Variants in VMP1 observed in about 807,000 individuals in gnomAD.
VMP1 encodes ectopic P-granules autophagy protein 3 homolog.
VMP1 carries 11 observed loss-of-function variants against 56.0 expected under a neutral mutation model. The ratio of observed to expected loss-of-function variants is 0.20; its 90% CI spans 0.12 to 0.32. The LOEUF (loss-of-function observed/expected upper bound fraction) is 0.32. Among genes scored for constraint, VMP1 ranks in the 10% least tolerant of loss-of-function variants. VMP1 has a pLI of 1.00. For missense variants in VMP1, 296 were observed against 490.3 expected (o/e 0.60, Z 3.74); for synonymous variants, 149 against 165.0 (o/e 0.90, Z 0.74).
intron 1 of VMP1, among the ~76,000 whole-genome samples, chr17:59,727,509 CTGTTA>C (rs1368852316): frequency 6.6e-6 from 1 of 152,152 alleles, no homozygotes; most frequent in African/African-American, 2.4e-5. Context: ...TCATCCCATT[CTGTTA>C]TAATTGATTT....
At chr17:59,763,332 G>A (rs2036124476) in intron 5 of VMP1, among the ~76,000 whole-genome samples, 1 of 151,908 alleles carries the variant, frequency 6.6e-6, no homozygotes, top group Admixed American at 6.6e-5. Flanking sequence ...AATGATTGTA[G>A]ATTTCATGGT....
intron 1 of VMP1, among the ~76,000 whole-genome samples, chr17:59,730,549 G>A (rs1365344147): frequency 2.6e-5 from 4 of 152,226 alleles, no homozygotes; most frequent in Non-Finnish European, 5.9e-5. Context: ...ATAGGCATGA[G>A]CCACTGCACC....
At chr17:59,721,103 T>C (rs1311273629) in intron 1 of VMP1, among the ~76,000 whole-genome samples, 3 of 152,284 alleles carry the variant, frequency 2.0e-5, no homozygotes, top group African/African-American at 7.2e-5. Context: ...CCCAGCACTT[T>C]GGGAGGCCAA....
At chr17:59,720,833 T>G (rs2034363366) in intron 1 of VMP1, among the ~76,000 whole-genome samples, 1 of 151,508 alleles carries the variant, frequency 6.6e-6, no homozygotes, top group Non-Finnish European at 1.5e-5. Context: ...ATTAGCCAGG[T>G]GTGATGGCAG....
At chr17:59,791,184 C>CTTTTTT (rs200633751) in intron 7 of VMP1, among the ~76,000 whole-genome samples, 1 of 133,662 alleles carries the variant, frequency 7.5e-6, no homozygotes, top group Non-Finnish European at 1.5e-5. Context: ...TCCCAGTTCC[C>CTTTTTT]TTTTTTTTTT....
intron 5 of VMP1, among the ~76,000 whole-genome samples, chr17:59,750,926 CTTTTTTTTTTTT>C (rs35948198): frequency 4.4e-5 from 4 of 91,008 alleles, no homozygotes; most frequent in South Asian, 4.8e-4. Flanking sequence ...AAGATAGCAC[CTTTTTTTTTTTT>C]TTTTTTTTTT....
At chr17:59,773,485 T>C (rs1315565950) in intron 6 of VMP1, among the ~76,000 whole-genome samples, 6 of 151,970 alleles carry the variant, frequency 3.9e-5, no homozygotes, top group Non-Finnish European at 8.8e-5. Flanking sequence ...TCTTCCTGCC[T>C]CAGCATCCTG....
chr17:59,713,262 A>G (rs2033999914), intron 1 of VMP1, among the ~76,000 whole-genome samples: 1 of 150,818 alleles, frequency 6.6e-6, no homozygotes, highest in African/African-American at 2.4e-5. Context: ...GGGTTGGGGG[A>G]AGGAGGGAGG....
At chr17:59,772,713 G>A (rs1200629258) in intron 6 of VMP1, among the ~76,000 whole-genome samples, 1 of 151,672 alleles carries the variant, frequency 6.6e-6, no homozygotes. Flanking sequence ...AGGTTGTGGT[G>A]AGCCGAGATC....
rs1014429819 is a variant in VMP1, at chr17:59,825,159, C to T, written c.974+7386C>T. The stretch of plus-strand genomic sequence containing the variant: ...TGGAGCGCTGTGGTGCAATCTCGAC[C>T]CACTGCAACCTCTGCCTCCTGTGTT... On this transcript the variant is annotated intron_variant, in intron 10 of 11. Transcript: ENST00000262291. Among the ~76,000 whole-genome samples, 3 of 148,530 alleles carry T rather than the reference C, an allele frequency of 2.0e-5. No individual in the cohort carries two copies. In the East Asian group the frequency reaches 6.0e-4, roughly 30 times the overall value.
chr17:59,726,291 G>GTTTTTTTTTTTTTTTTTTTTTTTTTTT (rs541555827), intron 1 of VMP1, among the ~76,000 whole-genome samples: 1 of 145,058 alleles, frequency 6.9e-6, no homozygotes, highest in African/African-American at 2.6e-5. Context: ...AGTTTTTTTT[G>GTTTTTTTTTTTTTTTTTTTTTTTTTTT]TTTTTTTTTT....
chr17:59,716,260 C>A (rs749454398), intron 1 of VMP1, among the ~76,000 whole-genome samples: 37 of 152,066 alleles, frequency 2.4e-4, no homozygotes, highest in Non-Finnish European at 4.9e-4. Context: ...TATTTTCACC[C>A]CAGTTATACA....
At chr17:59,726,178 T>C (rs1159176311) in intron 1 of VMP1, among the ~76,000 whole-genome samples, 2 of 152,158 alleles carry the variant, frequency 1.3e-5, no homozygotes, top group Admixed American at 6.5e-5. Flanking sequence ...ATCTTATTTG[T>C]AAATATTTAT....
chr17:59,810,423 G>A (rs1318327123), intron 8 of VMP1, among the ~76,000 whole-genome samples: 1 of 151,962 alleles, frequency 6.6e-6, no homozygotes, highest in African/African-American at 2.4e-5. Context: ...CAAAGTGCTG[G>A]GATTATAGGC....
chr17:59,783,138 G>A (rs2036886262), intron 7 of VMP1, among the ~76,000 whole-genome samples: 1 of 152,212 alleles, frequency 6.6e-6, no homozygotes, highest in African/African-American at 2.4e-5. Flanking sequence ...GGAGCTAGCA[G>A]TGAGTCAAGA....
chr17:59,780,658 C>A (rs1022516422), intron 7 of VMP1, among the ~76,000 whole-genome samples: 1 of 152,170 alleles, frequency 6.6e-6, no homozygotes, highest in Non-Finnish European at 1.5e-5. Context: ...GCCATCTCAG[C>A]TGACTGCAAC....
chr17:59,733,617 G>A (rs1018650010), intron 2 of VMP1, among the ~76,000 whole-genome samples: 5 of 152,044 alleles, frequency 3.3e-5, no homozygotes, highest in Middle Eastern at 3.2e-3. Context: ...CAGGAGAACC[G>A]CTTTAACCAG....
chr17:59,816,629 C>T (rs1436347214), intron 9 of VMP1, among the ~76,000 whole-genome samples: 3 of 151,734 alleles, frequency 2.0e-5, no homozygotes, highest in Non-Finnish European at 4.4e-5. Flanking sequence ...CACAGTGAAA[C>T]CCCATCTCTA....
intron 1 of VMP1, among the ~76,000 whole-genome samples, chr17:59,727,031 C>T (rs1354501146): frequency 6.6e-6 from 1 of 152,132 alleles, no homozygotes; most frequent in African/African-American, 2.4e-5. Context: ...TTGTTTAATC[C>T]TCAACCCTCT....
Sources: allele counts gnomAD v4.1 joint callset (sites outside exome capture counted in the v4.1 genomes callset), GRCh38; gene constraint gnomAD v4.1.1; transcripts MANE v1.5; gene names NCBI Gene and HGNC (gene_info 2026-07-23, HGNC 2026-07-21).